ADGRB3: variants seen among roughly 807,000 people sequenced by gnomAD.
The protein encoded by ADGRB3 is adhesion G protein-coupled receptor B3.
In ADGRB3, 37 loss-of-function variants were observed where a neutral mutation model predicts 193.4. That is an observed-to-expected ratio of 0.19 (90% CI 0.15 to 0.25). ADGRB3 has a LOEUF of 0.25. Ranked by LOEUF, ADGRB3 falls within the 10% of genes least tolerant of loss-of-function variation. The probability of loss-of-function intolerance (pLI) is 1.00; values close to 1 mark genes in which losing one functional copy is unlikely to be tolerated. For synonymous variants in ADGRB3, 690 were observed against 644.2 expected (o/e 1.07, Z -1.08); for missense variants, 1,637 against 1,852.9 (o/e 0.88, Z 2.14).
chr6:68,928,786 C>T (rs1483144333), intron 3 of ADGRB3, among the ~76,000 whole-genome samples: 1 of 152,112 alleles, frequency 6.6e-6, no homozygotes, highest in Non-Finnish European at 1.5e-5. Flanking sequence ...CTTATGTAAA[C>T]CTGTACTCTG....
chr6:68,897,760 AAAG>A (rs1313876424), intron 3 of ADGRB3, among the ~76,000 whole-genome samples: 1 of 8,722 alleles, frequency 1.1e-4, no homozygotes, highest in Admixed American at 1.1e-3. Flanking sequence ...GGAGGGAGGA[AAAG>A]GGAGGGAGGA....
At chr6:69,018,002 CT>C (rs1322514424) in intron 12 of ADGRB3, among the ~76,000 whole-genome samples, 2 of 151,814 alleles carry the variant, frequency 1.3e-5, no homozygotes, top group African/African-American at 4.8e-5. Context: ...AATATTAACT[CT>C]TTTTCCTCTT....
intron 15 of ADGRB3, among the ~76,000 whole-genome samples, chr6:69,062,521 A>G (rs1445774353): frequency 6.6e-6 from 1 of 151,946 alleles, no homozygotes; most frequent in African/African-American, 2.4e-5. Context: ...TAATCCATAA[A>G]ACACCAAGAC....
chr6:68,943,176 G>A (rs1018595108), intron 5 of ADGRB3, among the ~76,000 whole-genome samples: 22 of 152,140 alleles, frequency 1.4e-4, no homozygotes, highest in African/African-American at 2.6e-4. Context: ...AGAGATTATC[G>A]TATTTTCCAT....
chr6:69,278,162 C>G (rs1234319167), intron 20 of ADGRB3, among the ~76,000 whole-genome samples: 19 of 152,158 alleles, frequency 1.2e-4, no homozygotes, highest in Admixed American at 1.2e-3. Flanking sequence ...ATTCCAGTGT[C>G]TATGCACACA....
chr6:69,309,908 A>G (rs1490110677), intron 20 of ADGRB3, among the ~76,000 whole-genome samples: 1 of 151,626 alleles, frequency 6.6e-6, no homozygotes, highest in Admixed American at 6.6e-5. Context: ...AAATGAAGGG[A>G]ATAAAATTAT....
Position 68,960,358 on chromosome 6 carries a change from T to C in ADGRB3, c.1525+3549T>C, listed in dbSNP as rs143967985. Among the ~76,000 whole-genome samples, 1,074 of 152,280 alleles carry C rather than the reference T, an allele frequency of 7.1e-3. 12 individuals are homozygous for C. Among genetic ancestry groups the C allele is most frequent in the African/African-American group, 0.021 (884 of 41,564 alleles). On this transcript the variant is annotated intron_variant, in intron 8 of 31. Transcript: ENST00000370598. ...CAATATTAGCAACTTAGACCAGAAA[T>C]GTAGGAATTATTGTGATGTTTATCT...
At chr6:68,879,818 C>A (rs1037395705) in intron 3 of ADGRB3, among the ~76,000 whole-genome samples, 6 of 152,100 alleles carry the variant, frequency 3.9e-5, no homozygotes, top group Admixed American at 2.6e-4. Flanking sequence ...AAGCCTCATG[C>A]CTTGACAGAC....
chr6:68,936,403 TG>T, intron 4 of ADGRB3, 115 bp from the exon 5 acceptor site: 1 of 1,070,668 alleles, frequency 9.3e-7, no homozygotes, highest in Non-Finnish European at 1.3e-6. Flanking sequence ...TTTTGATGTA[TG>T]GTCATATTTT....
intron 17 of ADGRB3, among the ~76,000 whole-genome samples, chr6:69,177,700 T>G (rs2150350172): frequency 6.6e-6 from 1 of 152,354 alleles, no homozygotes. Flanking sequence ...TACCCAAAAG[T>G]CATTCAGGAC....
intron 20 of ADGRB3, among the ~76,000 whole-genome samples, chr6:69,307,622 C>T (rs71557616): frequency 0.044 from 6,659 of 151,584 alleles, 211 homozygotes; most frequent in Middle Eastern, 0.071. Flanking sequence ...TTTCAAATAT[C>T]TCTTCTTCTT....
intron 3 of ADGRB3, among the ~76,000 whole-genome samples, chr6:68,809,771 G>C (rs1767475611): frequency 6.6e-6 from 1 of 152,062 alleles, no homozygotes; most frequent in African/African-American, 2.4e-5. Flanking sequence ...TTTAACATGT[G>C]CATTTTAATT....
At chr6:68,744,092 A>C (rs1277076155) in intron 3 of ADGRB3, among the ~76,000 whole-genome samples, 2 of 152,140 alleles carry the variant, frequency 1.3e-5, no homozygotes, top group African/African-American at 4.8e-5. Context: ...TTTGACAAGT[A>C]GTGTTGGAAA....
At chr6:68,816,835 C>A (rs183486795) in intron 3 of ADGRB3, among the ~76,000 whole-genome samples, 1 of 152,124 alleles carries the variant, frequency 6.6e-6, no homozygotes. Context: ...TTTTAAAATT[C>A]CTTTTAATGG....
intron 3 of ADGRB3, among the ~76,000 whole-genome samples, chr6:68,888,969 A>G (rs962056613): frequency 2.6e-5 from 4 of 152,174 alleles, no homozygotes; most frequent in Non-Finnish European, 5.9e-5. Context: ...TCAGATGGCT[A>G]GAAAGTGGGA....
intron 17 of ADGRB3, among the ~76,000 whole-genome samples, chr6:69,083,895 C>T (rs1772471304): frequency 6.6e-6 from 1 of 151,722 alleles, no homozygotes; most frequent in African/African-American, 2.4e-5. Context: ...CTGCCTCAGC[C>T]TCCTGATTAG....
chr6:68,871,314 C>T (rs1765448876), intron 3 of ADGRB3, among the ~76,000 whole-genome samples: 1 of 152,036 alleles, frequency 6.6e-6, no homozygotes, highest in African/African-American at 2.4e-5. Context: ...TTTTGAGAAG[C>T]TAGAAACAGA....
intron 3 of ADGRB3, among the ~76,000 whole-genome samples, chr6:68,725,362 C>A (rs1360260731): frequency 6.6e-6 from 1 of 151,572 alleles, no homozygotes; most frequent in Non-Finnish European, 1.5e-5. Flanking sequence ...CAGGCAATAA[C>A]CCTGAAAATT....
At chr6:68,915,091 A>G (rs1469807386) in intron 3 of ADGRB3, among the ~76,000 whole-genome samples, 1 of 152,218 alleles carries the variant, frequency 6.6e-6, no homozygotes, top group Non-Finnish European at 1.5e-5. Context: ...AAAATTAGTT[A>G]TAATTTGAAA....
Sources: allele counts gnomAD v4.1 joint callset (sites outside exome capture counted in the v4.1 genomes callset), GRCh38; gene constraint gnomAD v4.1.1; transcripts MANE v1.5; gene names NCBI Gene and HGNC (gene_info 2026-07-23, HGNC 2026-07-21).